Variants in TMEM127 observed in about 807,000 individuals in gnomAD.
The protein encoded by TMEM127 is transmembrane protein 127.
TMEM127 carries 21 observed loss-of-function variants against 20.1 expected under a neutral mutation model. That is an observed-to-expected ratio of 1.04 (90% CI 0.74 to 1.50). The LOEUF (loss-of-function observed/expected upper bound fraction) is 1.50, where lower values mean the gene tolerates loss of function less well. Among genes scored for constraint, TMEM127 ranks in the 40% most tolerant of loss-of-function variants. The pLI is 0.00. For missense variants in TMEM127, 303 were observed against 317.4 expected, an observed-to-expected ratio of 0.95 and a Z score of 0.34; for synonymous variants, 150 against 144.7, an observed-to-expected ratio of 1.04 and a Z score of -0.26.
chr2:96,263,957 C>T (rs960196705), intron 2 of TMEM127, among the ~76,000 whole-genome samples: 6 of 152,210 alleles, frequency 3.9e-5, no homozygotes, highest in South Asian at 2.1e-4. Context: ...AGGCCTCTGT[C>T]GTGTGCATAA....
rs1287920703 is a variant in TMEM127, at chr2:96,249,137, TGTCA to T, written c.*4667_*4670del. On this transcript the variant is annotated 3_prime_UTR_variant, in exon 4 of 4. Coordinates refer to ENST00000258439, the MANE Select transcript of TMEM127 (RefSeq NM_017849.4). ...GTGTGTTTGAGATGGAGTCTCACTC[TGTCA>T]GGCTGGAGTCCAGTGGCATGATCTC... is the stretch of plus-strand genomic sequence containing the variant. The T allele has an allele frequency of 1.3e-5, 3 of 229,682 alleles. No homozygotes were observed. Among genetic ancestry groups the T allele is most frequent in the African/African-American group, 6.7e-5 (3 of 45,104 alleles). The allele number at this position is 229,682 out of a possible 1,614,324, so 14.2% of individuals were successfully genotyped here. A position where few individuals can be genotyped will look rare whatever the true frequency, so the allele number is the denominator to read the frequency against.
chr2:96,262,620 T>A (rs185542418), intron 2 of TMEM127, among the ~76,000 whole-genome samples: 74 of 152,358 alleles, frequency 4.9e-4, no homozygotes, highest in Admixed American at 9.1e-4. Context: ...TCTAAATATG[T>A]GAGCAAATGT....
rs1684027593 is a variant in TMEM127 at position 96,248,838 on chromosome 2, G to T, written c.*4970C>A. ...CCAGACGGACTCACAGCTGTCTCTG[G>T]AAAGTTCTTCGTTACCTGACTCTTT... On this transcript the variant is annotated 3_prime_UTR_variant, in exon 4 of 4. Transcript: ENST00000258439. 1 of 232,374 alleles carries T rather than the reference G, an allele frequency of 4.3e-6. No individual in the cohort carries two copies. Among genetic ancestry groups the T allele is most frequent in the African/African-American group, 2.2e-5 (1 of 45,376 alleles). 14.4% of individuals were successfully genotyped at this position (232,374 alleles called of 1,614,324 possible). A position where few individuals can be genotyped will look rare whatever the true frequency, so the allele number is the denominator to read the frequency against.
Position 96,249,657 on chromosome 2 carries a change from T to TC in TMEM127, c.*4150dup, listed in dbSNP as rs896483406. 3.4e-4 allele frequency: 78 copies of TC among 232,502 alleles called. No individual in the cohort carries two copies. The highest frequency in any genetic ancestry group is 4.9e-4 in the Non-Finnish European group (58 of 117,670). The allele number at this position is 232,502 out of a possible 1,614,324, so 14.4% of individuals were successfully genotyped here. A position where few individuals can be genotyped will look rare whatever the true frequency, so the allele number is the denominator to read the frequency against. On this transcript the variant is annotated 3_prime_UTR_variant, in exon 4 of 4. Transcript: ENST00000258439. ...CTCCTGCCTCCCATTAAAATGTCAC[T>TC]CCCCCCAAAAAATGCAGAGGAAGAG... is the stretch of plus-strand genomic sequence containing the variant.
intron 2 of TMEM127, among the ~76,000 whole-genome samples, chr2:96,257,879 C>T (rs1052912079): frequency 1.3e-5 from 2 of 152,066 alleles, no homozygotes; most frequent in African/African-American, 4.8e-5. Flanking sequence ...CACATCACTG[C>T]ACTCCAGCCT....
chr2:96,250,705 A>ATG lies in TMEM127; in HGVS notation c.*3101_*3102dup, dbSNP rs1417264359. The ATG allele has an allele frequency of 4.3e-6, 1 of 232,920 alleles. No individual in the cohort carries two copies. The highest frequency in any genetic ancestry group is 5.6e-5 in the Admixed American group (1 of 17,766). 14.4% of individuals were successfully genotyped at this position (232,920 alleles called of 1,614,324 possible). On this transcript the variant is annotated 3_prime_UTR_variant, in exon 4 of 4. Transcript: ENST00000258439. ...GGGTGTAGGCTGTGTGATCAAATGT[A>ATG]TGAAGGAAGAAGGAACGGAGAGAAC...
chr2:96,256,552 CAA>C (rs1375907376), intron 2 of TMEM127, among the ~76,000 whole-genome samples: 1 of 94,464 alleles, frequency 1.1e-5, no homozygotes, highest in African/African-American at 4.3e-5. Context: ...GCATGGGCAA[CAA>C]GAGAGAAACT....
intron 2 of TMEM127, among the ~76,000 whole-genome samples, chr2:96,259,226 C>T (rs1684267930): frequency 6.6e-6 from 1 of 152,210 alleles, no homozygotes; most frequent in Non-Finnish European, 1.5e-5. Context: ...TGAAGTGCCC[C>T]CCTGGGGGAT....
chr2:96,253,319 T>TC lies in TMEM127; in HGVS notation c.*488_*489insG. 2 of 241,920 alleles carry TC rather than the reference T, an allele frequency of 8.3e-6. No homozygotes were observed. Among genetic ancestry groups the TC allele is most frequent in the Admixed American group, 5.1e-5 (1 of 19,530 alleles). The allele number at this position is 241,920 out of a possible 1,614,324, so 15.0% of individuals were successfully genotyped here. A position where few individuals can be genotyped will look rare whatever the true frequency, so the allele number is the denominator to read the frequency against. On this transcript the variant is annotated 3_prime_UTR_variant, in exon 4 of 4. Transcript: ENST00000258439. The surrounding 1 kb of genome is among the most constrained non-coding windows in gnomAD (Gnocchi z 4.3). Reference sequence around the variant, plus strand: ...ACAGAACTCCCCGGAGCAGGTGGCCTGGGGGCGGGTCACTCCGAGAAGGAA... The same window carrying TC: ...ACAGAACTCCCCGGAGCAGGTGGCCTCGGGGGCGGGTCACTCCGAGAAGGAA...
At chr2:96,259,161 ATTGTTGGAGGGGCC>A (rs1255813063) in intron 2 of TMEM127, among the ~76,000 whole-genome samples, 2 of 152,224 alleles carry the variant, frequency 1.3e-5, no homozygotes, top group Non-Finnish European at 2.9e-5. Flanking sequence ...AAAGGCAAAT[ATTGTTGGAGGGGCC>A]TTGTATACCC....
chr2:96,254,228 C>T, intron 3 of TMEM127, 113 bp from the exon 4 acceptor site: 1 of 1,394,782 alleles, frequency 7.2e-7, no homozygotes, highest in Non-Finnish European at 9.9e-7. Flanking sequence ...GAGAACCTGC[C>T]TGGCCCCAGA....
At chr2:96,265,833 GA>G in intron 1 of TMEM127, 35 bp downstream of exon 1, 1 of 180,106 alleles carries the variant, frequency 5.6e-6, no homozygotes, top group Non-Finnish European at 1.2e-5. Flanking sequence ...CCTGTGCGCA[GA>G]AAAGACCCTC....
chr2:96,257,518 G>C (rs139034772), intron 2 of TMEM127, among the ~76,000 whole-genome samples: 3 of 152,252 alleles, frequency 2.0e-5, no homozygotes, highest in Non-Finnish European at 4.4e-5. Flanking sequence ...TGTCTCCTTT[G>C]ATAACTATGC....
Position 96,265,185 on chromosome 2 carries a change from A to G in TMEM127, c.197T>C (p.Leu66Pro), listed in dbSNP as rs1249787183. ...IHGGTCSRQE[L>P]GVSDVLGYVH... ...ATAGCCCAACACGTCGGAGACCCCC[A>G]GCTCCTGGCGCGAACAGGTGCCTCC... The change falls in exon 2 of 4, where the codon CTG (leucine) becomes CCG (proline). Residue 66 changes from leucine to proline, a missense_variant. By Grantham distance (98) the Leu-to-Pro change is moderately conservative. Transcript: ENST00000258439. 1.9e-6 allele frequency: 3 copies of G among 1,610,238 alleles called. No individual in the cohort carries two copies. Among genetic ancestry groups the G allele is most frequent in the East Asian group, 2.2e-5 (1 of 44,848 alleles).
In TMEM127 at chr2:96,253,669, A is replaced by G. The variant is rs1052375974; in HGVS notation, c.*139T>C. 4 of 929,030 alleles carry G rather than the reference A, an allele frequency of 4.3e-6. No homozygotes were observed. The highest frequency in any genetic ancestry group is 4.8e-6 in the Non-Finnish European group (3 of 629,042). 57.5% of individuals were successfully genotyped at this position (929,030 alleles called of 1,614,324 possible). ...GATACTTGGATGACCCTAAAGGCAG[A>G]GTCTCTCCTGGGGAAGGTTTGGAGA... On this transcript the variant is annotated 3_prime_UTR_variant, in exon 4 of 4. Coordinates refer to ENST00000258439, the MANE Select transcript of TMEM127 (RefSeq NM_017849.4). This position sits in a 1 kb window ranked among gnomAD's most constrained non-coding sequence, Gnocchi z 4.3.
chr2:96,255,239 G>A (rs1684180587), intron 2 of TMEM127, among the ~76,000 whole-genome samples: 1 of 152,232 alleles, frequency 6.6e-6, no homozygotes, highest in Non-Finnish European at 1.5e-5. Flanking sequence ...TAGCCTAAGT[G>A]CAGGATTCTA....
At chr2:96,255,070 T>C (rs1179471366) in intron 2 of TMEM127, 73 bp from the exon 3 acceptor site, 4 of 1,585,748 alleles carry the variant, frequency 2.5e-6, no homozygotes, top group Admixed American at 1.8e-5. Flanking sequence ...TAGAAGGAGT[T>C]TGATTCCCCT....
At position 96,263,493 on chromosome 2, in the gene TMEM127, G is replaced by A. The variant is rs1311457486; in HGVS notation, c.244+1645C>T. 2.0e-5 allele frequency among the ~76,000 whole-genome samples: 3 copies of A among 151,918 alleles called. No homozygotes were observed. The East Asian group carries it at 5.8e-4, about 29-fold the overall frequency. On this transcript the variant is annotated intron_variant, in intron 2 of 3. Transcript: ENST00000258439. Reference sequence around the variant, plus strand: ...TTCTCCTGCTTCAGCCTCCCAAGTAGCTGGAATTACAGATGCCTGCCACCA... The same window carrying A: ...TTCTCCTGCTTCAGCCTCCCAAGTAACTGGAATTACAGATGCCTGCCACCA...
chr2:96,263,477 T>C (rs976121069), intron 2 of TMEM127, among the ~76,000 whole-genome samples: 3 of 151,980 alleles, frequency 2.0e-5, no homozygotes, highest in Non-Finnish European at 2.9e-5. Context: ...ATTCTCCTGC[T>C]TCAGCCTCCC....
Sources: gnomAD v4.1 joint callset for allele counts (sites outside exome capture counted in the v4.1 genomes callset) on GRCh38, gnomAD v4.1.1 for gene constraint, Gnocchi (gnomAD v3.1) non-coding constraint, MANE v1.5 for transcripts, NCBI Gene and HGNC (gene_info 2026-07-23, HGNC 2026-07-21) for gene names.